Variants in ATP2A2 observed in about 807,000 individuals in gnomAD.
ATP2A2 encodes the protein sarcoplasmic/endoplasmic reticulum calcium ATPase 2.
Under a neutral mutation model 109.3 loss-of-function variants are expected in ATP2A2, and 14 were observed. The ratio of observed to expected loss-of-function variants is 0.13; its 90% CI spans 0.08 to 0.20. The LOEUF (loss-of-function observed/expected upper bound fraction) is 0.20, where lower values mean the gene tolerates loss of function less well. ATP2A2 is among the 10% of genes least tolerant of loss of function. The probability of loss-of-function intolerance (pLI) is 1.00; values close to 1 mark genes in which losing one functional copy is unlikely to be tolerated. For missense variants in ATP2A2, 657 were observed against 1,321.6 expected, an observed-to-expected ratio of 0.50 and a Z score of 7.80; for synonymous variants, 506 against 490.9, an observed-to-expected ratio of 1.03 and a Z score of -0.41.
chr12:110,311,980 G>A (rs1370453191), intron 5 of ATP2A2, among the ~76,000 whole-genome samples: 1 of 152,094 alleles, frequency 6.6e-6, no homozygotes, highest in Non-Finnish European at 1.5e-5. Context: ...TTTGAGACCA[G>A]CCTGGGCAAC....
At chr12:110,290,951 C>G (rs1452585424) in intron 3 of ATP2A2, among the ~76,000 whole-genome samples, 15 of 151,820 alleles carry the variant, frequency 9.9e-5, no homozygotes. Context: ...TTTTGTTGCC[C>G]AGGCTGGAGT....
chr12:110,311,348 G>A (rs1304398004), intron 5 of ATP2A2, among the ~76,000 whole-genome samples: 3 of 152,146 alleles, frequency 2.0e-5, no homozygotes, highest in Non-Finnish European at 2.9e-5. Context: ...CCAGGTCTTT[G>A]GGAGGCGGAG....
At position 110,350,419 on chromosome 12, in the gene ATP2A2, TAAA is replaced by T. The variant is rs1566247848; in HGVS notation, c.*3953_*3955del. On this transcript the variant is annotated 3_prime_UTR_variant, in exon 20 of 20. Transcript: ENST00000539276. ...GACTGATGTTGGGGAAAAAGAAAAGTAAAAAACTTCCCAACTCACTTTGTGTTA... is the reference window on the plus strand; with the variant it reads ...GACTGATGTTGGGGAAAAAGAAAAGTAAACTTCCCAACTCACTTTGTGTTA... 10 of 1,556,208 alleles carry T rather than the reference TAAA, an allele frequency of 6.4e-6. No homozygotes were observed. The highest frequency in any genetic ancestry group is 1.7e-5 in the Admixed American group (1 of 58,980).
At chr12:110,329,329 G>A (rs1219813191) in intron 8 of ATP2A2, 1 of 152,234 alleles carries the variant, frequency 6.6e-6, no homozygotes. Flanking sequence ...GTTGACCGTG[G>A]ATGTGGAACC....
At chr12:110,315,811 C>T (rs929525744) in intron 5 of ATP2A2, among the ~76,000 whole-genome samples, 6 of 152,364 alleles carry the variant, frequency 3.9e-5, no homozygotes, top group African/African-American at 1.4e-4. Flanking sequence ...CGCATCGGCA[C>T]ACGCCTGTAG....
rs10665212 is a variant in ATP2A2 at position 110,309,140 on chromosome 12, A to ATTTTTTTTTTTTT, written c.463+12426_463+12438dup. Among the ~76,000 whole-genome samples the ATTTTTTTTTTTTT allele has an allele frequency of 4.5e-4, 22 of 48,902 alleles. 1 individual carries two copies. The highest frequency in any genetic ancestry group is 7.0e-4 in the Admixed American group (2 of 2,860). 32.1% of individuals were successfully genotyped at this position (48,902 alleles called of 152,430 possible). On this transcript the variant is annotated intron_variant, in intron 5 of 19. Transcript: ENST00000539276. ...ATGGAGAGAGAGTTTAAGGAAACTA[A>ATTTTTTTTTTTTT]TTTTTTTTTTTTTTTTTTTTTTTTT...
chr12:110,315,683 G>A (rs750453357), intron 5 of ATP2A2, among the ~76,000 whole-genome samples: 32 of 152,200 alleles, frequency 2.1e-4, no homozygotes, highest in Non-Finnish European at 2.9e-5. Context: ...GCTCACGCCT[G>A]TAATCCCAGC....
intron 6 of ATP2A2, among the ~76,000 whole-genome samples, chr12:110,325,072 CA>C (rs1317167174): frequency 6.6e-6 from 1 of 151,894 alleles, no homozygotes; most frequent in Non-Finnish European, 1.5e-5. Flanking sequence ...CTCAAACCCC[CA>C]AAGTGCTGGG....
Position 110,349,461 on chromosome 12 carries a change from A to G in ATP2A2, c.*2991A>G. Reference sequence around the variant, plus strand: ...TTGCCCAGAAGACCAACAATCATACATACCCTAACTGGGACACCACTCTGC... The same window carrying G: ...TTGCCCAGAAGACCAACAATCATACGTACCCTAACTGGGACACCACTCTGC... On this transcript the variant is annotated 3_prime_UTR_variant, in exon 20 of 20. Coordinates refer to ENST00000539276, the MANE Select transcript of ATP2A2 (RefSeq NM_170665.4). 1 of 985,498 alleles carries G rather than the reference A, an allele frequency of 1.0e-6. No homozygotes were observed. Among genetic ancestry groups the G allele is most frequent in the Non-Finnish European group, 1.2e-6 (1 of 830,006 alleles). 61.0% of individuals were successfully genotyped at this position (985,498 alleles called of 1,614,324 possible).
chr12:110,335,594 T>C (rs978419533), intron 11 of ATP2A2, among the ~76,000 whole-genome samples: 5 of 152,206 alleles, frequency 3.3e-5, no homozygotes, highest in African/African-American at 4.8e-5. Flanking sequence ...GGTAGATGAT[T>C]GCTTGGATGA....
intron 5 of ATP2A2, among the ~76,000 whole-genome samples, chr12:110,302,231 T>G (rs895504076): frequency 1.2e-4 from 18 of 152,176 alleles, no homozygotes; most frequent in Admixed American, 8.5e-4. Flanking sequence ...TCCAGAACTT[T>G]TATCTTCCCT....
In ATP2A2 at chr12:110,347,752, G is replaced by T; in HGVS notation, c.*1282G>T. 1 of 1,072,488 alleles carries T rather than the reference G, an allele frequency of 9.3e-7. No homozygotes were observed. Among genetic ancestry groups the T allele is most frequent in the Non-Finnish European group, 1.1e-6 (1 of 880,536 alleles). The allele number at this position is 1,072,488 out of a possible 1,614,324, so 66.4% of individuals were successfully genotyped here. Reference sequence around the variant, plus strand: ...GTAAGTCATTAACAGTCCTAACTGTGGTGTTTTCCTCCAATGCCTTCCAAC... The same window carrying T: ...GTAAGTCATTAACAGTCCTAACTGTTGTGTTTTCCTCCAATGCCTTCCAAC... On this transcript the variant is annotated 3_prime_UTR_variant, in exon 20 of 20. Coordinates refer to ENST00000539276, the MANE Select transcript of ATP2A2 (RefSeq NM_170665.4).
chr12:110,346,033 C>T lies in ATP2A2; in HGVS notation c.2774C>T (p.Pro925Leu). The T allele has an allele frequency of 6.2e-7, 1 of 1,614,120 alleles. No homozygotes were observed. Among genetic ancestry groups the T allele is most frequent in the East Asian group, 2.2e-5 (1 of 44,882 alleles). ...LSENQSLLRM[P>L]PWENIWLVGS... is the part of the protein sequence containing the mutation. ...GAAAACCAGTCCTTGCTGAGGATGC[C>T]CCCCTGGGAGAACATCTGGCTCGTG... is the stretch of plus-strand genomic sequence containing the variant. The change falls in exon 19 of 20, where the codon CCC becomes CTC. Residue 925 changes from proline to leucine, a missense_variant. Physicochemically the swap from Pro to Leu is moderately conservative, Grantham distance 98. Coordinates refer to ENST00000539276, the MANE Select transcript of ATP2A2 (RefSeq NM_170665.4).
chr12:110,286,940 T>C (rs923834462), intron 3 of ATP2A2, among the ~76,000 whole-genome samples: 2 of 152,196 alleles, frequency 1.3e-5, no homozygotes, highest in Non-Finnish European at 2.9e-5. Flanking sequence ...ACGTGCTTTT[T>C]ACCTTGGATT....
At chr12:110,345,774 C>T (rs752439117) in intron 18 of ATP2A2, 4 of 627,650 alleles carry the variant, frequency 6.4e-6, no homozygotes, top group Non-Finnish European at 1.1e-5. Context: ...AGCTTTGAAC[C>T]CACTAAGATG....
intron 5 of ATP2A2, among the ~76,000 whole-genome samples, chr12:110,318,926 A>G (rs2137791759): frequency 6.6e-6 from 1 of 152,328 alleles, no homozygotes; most frequent in South Asian, 2.1e-4. Context: ...GGTGTGCCTG[A>G]TAGATGAGAA....
At position 110,340,624 on chromosome 12, in the gene ATP2A2, T is replaced by C. The variant is rs1002365394; in HGVS notation, c.1762-35T>C. Reference sequence around the variant, plus strand: ...AAACTAGGGGACAAAAACTAGAACTTGCCACTTTTATTTAAAGTGATGCTC... The same window carrying C: ...AAACTAGGGGACAAAAACTAGAACTCGCCACTTTTATTTAAAGTGATGCTC... On this transcript the variant is annotated intron_variant, in intron 13 of 19. Coordinates refer to ENST00000539276, the MANE Select transcript of ATP2A2 (RefSeq NM_170665.4). This position sits in a 1 kb window ranked among gnomAD's most constrained non-coding sequence, Gnocchi z 6.0. 2 of 1,607,242 alleles carry C rather than the reference T, an allele frequency of 1.2e-6. No individual in the cohort carries two copies. Among genetic ancestry groups the C allele is most frequent in the African/African-American group, 2.7e-5 (2 of 74,738 alleles).
chr12:110,350,391 C>T lies in ATP2A2; in HGVS notation c.*3921C>T. The T allele has an allele frequency of 1.2e-6, 2 of 1,602,992 alleles. No homozygotes were observed. The highest frequency in any genetic ancestry group is 1.7e-6 in the Non-Finnish European group (2 of 1,170,512). On this transcript the variant is annotated 3_prime_UTR_variant, in exon 20 of 20. Transcript: ENST00000539276. ...TAGCAACACATCTACCAACCCTGTG[C>T]ATGACTGATGTTGGGGAAAAAGAAA...
chr12:110,296,707 A>G lies in ATP2A2; in HGVS notation c.433A>G (p.Ile145Val), dbSNP rs1288681369. ...KSVQRIKAKD[I>V]VPGDIVEIAV... is the part of the protein sequence containing the mutation. ...TGTGCAGCGGATTAAAGCTAAAGAC[A>G]TAGTTCCTGGTGATATTGTAGAAAT... The change falls in exon 5 of 20, where the codon ATA becomes GTA. Residue 145 changes from isoleucine to valine, a missense_variant. By Grantham distance (29) the Ile-to-Val change is conservative. Transcript: ENST00000539276. 2.5e-6 allele frequency: 4 copies of G among 1,613,942 alleles called. No homozygotes were observed. The highest frequency in any genetic ancestry group is 2.2e-5 in the East Asian group (1 of 44,872).
Sources: gnomAD v4.1 joint callset for allele counts (sites outside exome capture counted in the v4.1 genomes callset) on GRCh38, gnomAD v4.1.1 for gene constraint, Gnocchi (gnomAD v3.1) non-coding constraint, MANE v1.5 for transcripts, NCBI Gene and HGNC (gene_info 2026-07-23, HGNC 2026-07-21) for gene names.